NAALADL2: variants seen among roughly 807,000 people sequenced by gnomAD.
The protein encoded by NAALADL2 is inactive N-acetylated-alpha-linked acidic dipeptidase-like protein 2.
NAALADL2 carries 76 observed loss-of-function variants against 87.2 expected under a neutral mutation model. The ratio of observed to expected loss-of-function variants is 0.87; its 90% CI spans 0.72 to 1.05. The LOEUF (loss-of-function observed/expected upper bound fraction) is 1.05. NAALADL2 is among the 50% of genes least tolerant of loss of function. The pLI is 0.00. For synonymous variants in NAALADL2, 354 were observed against 331.0 expected, an observed-to-expected ratio of 1.07 and a Z score of -0.75; for missense variants, 1,089 against 945.8, an observed-to-expected ratio of 1.15 and a Z score of -1.99.
intron 3 of NAALADL2, among the ~76,000 whole-genome samples, chr3:174,801,780 TATG>T (rs1206518296): frequency 1.1e-4 from 15 of 137,916 alleles, no homozygotes; most frequent in South Asian, 2.5e-4. Context: ...AATATTTTAA[TATG>T]ATATATATAT....
At chr3:174,776,633 A>T (rs772195319) in intron 3 of NAALADL2, among the ~76,000 whole-genome samples, 1 of 152,202 alleles carries the variant, frequency 6.6e-6, no homozygotes, top group Non-Finnish European at 1.5e-5. Flanking sequence ...GTAATGATAC[A>T]TTATAACTGA....
At chr3:175,054,341 T>G (rs540069500) in intron 1 of NAALADL2, among the ~76,000 whole-genome samples, 1 of 152,326 alleles carries the variant, frequency 6.6e-6, no homozygotes, top group East Asian at 1.9e-4. Context: ...TCTAAAGGGA[T>G]AGTAAAGAAA....
At chr3:174,881,046 C>A (rs1040411233) in intron 1 of NAALADL2, among the ~76,000 whole-genome samples, 1 of 152,004 alleles carries the variant, frequency 6.6e-6, no homozygotes, top group Non-Finnish European at 1.5e-5. Context: ...TTAAGGATAC[C>A]TATTGCTGGA....
intron 2 of NAALADL2, among the ~76,000 whole-genome samples, chr3:174,600,224 T>C (rs548709475): frequency 5.3e-5 from 8 of 152,200 alleles, no homozygotes; most frequent in African/African-American, 1.7e-4. Flanking sequence ...ACCGATAATA[T>C]AGATTTGGAA....
At chr3:174,787,620 T>TATATATATAC (rs1489900205) in intron 3 of NAALADL2, among the ~76,000 whole-genome samples, 1 of 117,490 alleles carries the variant, frequency 8.5e-6, no homozygotes, top group Admixed American at 9.2e-5. Context: ...TATATATATA[T>TATATATATAC]AGTAGTGACT....
At chr3:174,996,496 C>CAAAA (rs544719815) in intron 1 of NAALADL2, among the ~76,000 whole-genome samples, 1 of 134,834 alleles carries the variant, frequency 7.4e-6, no homozygotes, top group Non-Finnish European at 1.6e-5. Context: ...GACTCTGTCT[C>CAAAA]AAAAAAAAAA....
At chr3:175,063,428 C>T (rs966594258) in intron 1 of NAALADL2, among the ~76,000 whole-genome samples, 6 of 151,578 alleles carry the variant, frequency 4.0e-5, no homozygotes, top group Non-Finnish European at 7.4e-5. Flanking sequence ...TGCCTGTAAT[C>T]TCAGCACTTT....
intron 2 of NAALADL2, among the ~76,000 whole-genome samples, chr3:175,185,250 T>G (rs1737158031): frequency 6.6e-6 from 1 of 152,106 alleles, no homozygotes; most frequent in East Asian, 1.9e-4. Context: ...TCTATACAGC[T>G]GAAGATGCAT....
chr3:175,324,063 A>AAAAAG, intron 4 of NAALADL2, 112 bp from the exon 5 acceptor site: 1 of 804,364 alleles, frequency 1.2e-6, no homozygotes. Context: ...AAAGAAAAAG[A>AAAAAG]AAAAAAAACT....
At chr3:175,163,536 G>T (rs907297118) in intron 2 of NAALADL2, among the ~76,000 whole-genome samples, 1 of 151,976 alleles carries the variant, frequency 6.6e-6, no homozygotes, top group African/African-American at 2.4e-5. Context: ...GGATAAGCGT[G>T]AAAACCATAA....
chr3:174,518,467 C>T (rs1288814424), intron 1 of NAALADL2, among the ~76,000 whole-genome samples: 1 of 152,134 alleles, frequency 6.6e-6, no homozygotes, highest in East Asian at 1.9e-4. Flanking sequence ...TAACTGATCT[C>T]TTTGCTTGTA....
At chr3:175,169,859 C>T (rs980216832) in intron 2 of NAALADL2, among the ~76,000 whole-genome samples, 1 of 151,808 alleles carries the variant, frequency 6.6e-6, no homozygotes, top group African/African-American at 2.4e-5. Flanking sequence ...ATATAGCTTG[C>T]AGTTGCAGGT....
chr3:175,476,711 T>C (rs977639080), intron 9 of NAALADL2, among the ~76,000 whole-genome samples: 1 of 152,182 alleles, frequency 6.6e-6, no homozygotes, highest in Non-Finnish European at 1.5e-5. Flanking sequence ...CACAGCTTTG[T>C]CTGCTGAGGT....
At chr3:174,886,367 G>C (rs984733995) in intron 1 of NAALADL2, among the ~76,000 whole-genome samples, 7 of 152,034 alleles carry the variant, frequency 4.6e-5, no homozygotes, top group African/African-American at 1.7e-4. Context: ...CAGCTGATTA[G>C]ATTGTGCCCA....
At chr3:175,456,936 A>G (rs893236481) in intron 6 of NAALADL2, among the ~76,000 whole-genome samples, 1 of 151,980 alleles carries the variant, frequency 6.6e-6, no homozygotes, top group African/African-American at 2.4e-5. Flanking sequence ...CATACCAATT[A>G]TCTACAGTAT....
chr3:175,461,230 T>C (rs1383795627), intron 6 of NAALADL2, among the ~76,000 whole-genome samples: 1 of 151,984 alleles, frequency 6.6e-6, no homozygotes, highest in East Asian at 1.9e-4. Context: ...TTTACAATCC[T>C]TTAGCTAGAC....
chr3:175,361,225 C>T (rs943756051), intron 5 of NAALADL2, among the ~76,000 whole-genome samples: 2 of 151,950 alleles, frequency 1.3e-5, no homozygotes, highest in Admixed American at 1.3e-4. Flanking sequence ...CATAGTATTC[C>T]ATGGTGTATA....
intron 3 of NAALADL2, among the ~76,000 whole-genome samples, chr3:174,844,339 A>G (rs1166014350): frequency 6.6e-6 from 1 of 152,002 alleles, no homozygotes; most frequent in Non-Finnish European, 1.5e-5. Context: ...CATTCATTTC[A>G]TTGATTTATG....
At chr3:174,991,680 G>A (rs1361193622) in intron 1 of NAALADL2, among the ~76,000 whole-genome samples, 1 of 152,012 alleles carries the variant, frequency 6.6e-6, no homozygotes, top group East Asian at 1.9e-4. Context: ...AGTGATAAAA[G>A]CTGTCCTTGA....
Sources: allele counts gnomAD v4.1 joint callset (sites outside exome capture counted in the v4.1 genomes callset), GRCh38; gene constraint gnomAD v4.1.1; transcripts MANE v1.5; gene names NCBI Gene and HGNC (gene_info 2026-07-23, HGNC 2026-07-21).